Variants in NALCN observed in about 807,000 individuals in gnomAD.
NALCN encodes sodium leak channel NALCN.
In NALCN, 111 loss-of-function variants were observed where a neutral mutation model predicts 225.3. That is an observed-to-expected ratio of 0.49 (90% CI 0.42 to 0.58). The LOEUF is 0.58. NALCN is among the 20% of genes least tolerant of loss of function. NALCN has a pLI of 0.00. For missense variants in NALCN, 1,378 were observed against 2,202.4 expected, an observed-to-expected ratio of 0.63 and a Z score of 7.49; for synonymous variants, 764 against 769.0, an observed-to-expected ratio of 0.99 and a Z score of 0.11.
At chr13:101,333,693 T>C (rs1282708882) in intron 7 of NALCN, among the ~76,000 whole-genome samples, 16 of 152,234 alleles carry the variant, frequency 1.1e-4, no homozygotes, top group Admixed American at 1.0e-3. Context: ...AGAGCTGTGT[T>C]ACGGCTTTCC....
intron 35 of NALCN, among the ~76,000 whole-genome samples, chr13:101,075,016 T>A (rs1338512959): frequency 1.3e-5 from 2 of 152,166 alleles, no homozygotes; most frequent in Non-Finnish European, 2.9e-5. Flanking sequence ...GCTACACATT[T>A]TTGACTGACA....
intron 3 of NALCN, among the ~76,000 whole-genome samples, chr13:101,383,525 G>A (rs373744051): frequency 7.9e-5 from 12 of 152,320 alleles, no homozygotes; most frequent in Admixed American, 5.2e-4. Flanking sequence ...CCAGTACAGT[G>A]GGTGACATAT....
chr13:101,351,077 A>T (rs1419804724), intron 6 of NALCN, among the ~76,000 whole-genome samples: 1 of 152,140 alleles, frequency 6.6e-6, no homozygotes, highest in Non-Finnish European at 1.5e-5. Flanking sequence ...GGAGAAACCT[A>T]ATATATAGTA....
intron 11 of NALCN, among the ~76,000 whole-genome samples, chr13:101,253,698 C>T (rs1321261972): frequency 6.6e-6 from 1 of 151,996 alleles, no homozygotes; most frequent in East Asian, 1.9e-4. Flanking sequence ...TTTGACATTG[C>T]TCTCTGTTTC....
intron 28 of NALCN, among the ~76,000 whole-genome samples, chr13:101,092,260 G>A (rs2034272709): frequency 6.6e-6 from 1 of 152,166 alleles, no homozygotes; most frequent in African/African-American, 2.4e-5. Context: ...GATCAAGGTA[G>A]GGAGAGCTGC....
Position 101,104,913 on chromosome 13 carries a change from T to C in NALCN, c.2617A>G (p.Thr873Ala). 16 of 1,613,854 alleles carry C rather than the reference T, an allele frequency of 9.9e-6. No homozygotes were observed. The highest frequency in any genetic ancestry group is 1.4e-5 in the Non-Finnish European group (16 of 1,179,834). The part of the protein sequence containing the change: ...TDPVTGAVKN[T>A]KYHQLYDLLG... ...GCTTACTAAAGTTGATGGTACTTTG[T>C]ATTTTTCACAGCTCCTGTGACAGGG... Residue 873 changes from threonine to alanine, a missense_variant, in exon 23 of 44, where the codon ACA becomes GCA. Transcript: ENST00000251127. The surrounding 1 kb of genome is among the most constrained non-coding windows in gnomAD (Gnocchi z 4.2).
chr13:101,329,413 T>TA (rs1241222662), intron 7 of NALCN, among the ~76,000 whole-genome samples: 1 of 152,170 alleles, frequency 6.6e-6, no homozygotes, highest in African/African-American at 2.4e-5. Flanking sequence ...CAGTACTCAA[T>TA]AATTATTATT....
At chr13:101,150,720 A>G (rs2037605328) in intron 15 of NALCN, among the ~76,000 whole-genome samples, 1 of 152,080 alleles carries the variant, frequency 6.6e-6, no homozygotes, top group South Asian at 2.1e-4. Context: ...ATTTACTTTG[A>G]TGCAAATGAA....
intron 36 of NALCN, 112 bp downstream of exon 36, chr13:101,074,402 C>G: frequency 5.2e-6 from 5 of 961,682 alleles, no homozygotes; most frequent in Non-Finnish European, 7.0e-6. Context: ...CAACTGATTA[C>G]TTCCCTTTCC....
chr13:101,239,124 T>C (rs1414403998), intron 11 of NALCN, among the ~76,000 whole-genome samples: 4 of 151,984 alleles, frequency 2.6e-5, no homozygotes, highest in Non-Finnish European at 5.9e-5. Context: ...CATGTTAATG[T>C]CATGTATATT....
chr13:101,235,967 G>A (rs2041539472), intron 12 of NALCN, among the ~76,000 whole-genome samples: 2 of 152,092 alleles, frequency 1.3e-5, no homozygotes, highest in African/African-American at 4.8e-5. Context: ...TTCCTAAGGG[G>A]TTAGAGTCCT....
intron 6 of NALCN, among the ~76,000 whole-genome samples, chr13:101,374,916 A>G (rs2046645735): frequency 6.6e-6 from 1 of 152,236 alleles, no homozygotes; most frequent in Non-Finnish European, 1.5e-5. Context: ...CTGTTTGTGC[A>G]TGAATTAGAA....
intron 1 of NALCN, among the ~76,000 whole-genome samples, chr13:101,409,172 C>T (rs2047708283): frequency 1.3e-5 from 2 of 152,060 alleles, no homozygotes; most frequent in Admixed American, 1.3e-4. Context: ...GTCATTGCAC[C>T]CTGCACGCCC....
At chr13:101,074,297 T>G (rs928751074) in intron 36 of NALCN, among the ~76,000 whole-genome samples, 3 of 152,192 alleles carry the variant, frequency 2.0e-5, no homozygotes, top group Non-Finnish European at 2.9e-5. Context: ...TTATTTCTAA[T>G]TTTTCTAAGG....
In NALCN at chr13:101,124,650, C is replaced by T; in HGVS notation, c.2150G>A (p.Arg717Lys). Residue 717 changes from arginine to lysine, a missense_variant, in exon 18 of 44, where the codon AGG (arginine) becomes AAG (lysine). Around this residue, in one of 19 missense-constraint regions of NALCN, gnomAD observed 100 missense variants for 89.4 expected, o/e 1.12. Coordinates refer to ENST00000251127, the MANE Select transcript of NALCN (RefSeq NM_052867.4). ...LRKSVFSIRA[R>K]NLLEKETAVT... ...TGCGGTCTCCTTTTCCAGAAGGTTCCTTGCCCTGATGCTGAAAACAGACTT... is the reference window on the plus strand; with the variant it reads ...TGCGGTCTCCTTTTCCAGAAGGTTCTTTGCCCTGATGCTGAAAACAGACTT... 6.2e-7 allele frequency: 1 copy of T among 1,614,032 alleles called. No individual in the cohort carries two copies. Among genetic ancestry groups the T allele is most frequent in the African/African-American group, 1.3e-5 (1 of 75,048 alleles).
chr13:101,291,910 T>G, intron 9 of NALCN, 80 bp downstream of exon 9: 2 of 1,399,230 alleles, frequency 1.4e-6, no homozygotes, highest in Non-Finnish European at 2.0e-6. Context: ...ATGCAAGAGC[T>G]TCCCCAAGGT....
At chr13:101,397,976 A>G (rs915094363) in intron 2 of NALCN, among the ~76,000 whole-genome samples, 1 of 152,104 alleles carries the variant, frequency 6.6e-6, no homozygotes, top group Non-Finnish European at 1.5e-5. Flanking sequence ...GAGCAGTACG[A>G]GCAGGGAAAG....
intron 16 of NALCN, among the ~76,000 whole-genome samples, chr13:101,144,109 C>G (rs1439345860): frequency 1.3e-5 from 2 of 152,106 alleles, no homozygotes; most frequent in Non-Finnish European, 2.9e-5. Context: ...TACTGTAATT[C>G]TGTTTGTAAT....
intron 27 of NALCN, among the ~76,000 whole-genome samples, chr13:101,097,760 T>C (rs1387706787): frequency 1.3e-5 from 2 of 152,148 alleles, no homozygotes; most frequent in African/African-American, 4.8e-5. Flanking sequence ...ATCAACGAAA[T>C]TCCAAACCCC....
Sources: gnomAD v4.1 joint callset for allele counts (sites outside exome capture counted in the v4.1 genomes callset) on GRCh38, gnomAD v4.1.1 for gene constraint, gnomAD v4.1.1 regional missense constraint, Gnocchi (gnomAD v3.1) non-coding constraint, MANE v1.5 for transcripts, NCBI Gene and HGNC (gene_info 2026-07-23, HGNC 2026-07-21) for gene names.